The following MTMR6 variants were observed in gnomAD, a reference collection of about 807,000 sequenced individuals.
MTMR6 encodes the protein myotubularin related protein 6, also known as phosphatidylinositol-3,5-bisphosphate 3-phosphatase MTMR6.
In MTMR6, 47 loss-of-function variants were observed where a neutral mutation model predicts 80.1. That is an observed-to-expected ratio of 0.59 (90% CI 0.46 to 0.75). MTMR6 has a LOEUF of 0.75. Ranked by LOEUF, MTMR6 falls within the 30% of genes least tolerant of loss-of-function variation. The pLI is 0.00. For synonymous variants in MTMR6, 254 were observed against 253.0 expected (o/e 1.00, Z -0.04); for missense variants, 629 against 730.9 (o/e 0.86, Z 1.61).
chr13:25,277,337 T>C (rs183570794), intron 1 of MTMR6, among the ~76,000 whole-genome samples: 60 of 152,356 alleles, frequency 3.9e-4, no homozygotes, highest in Non-Finnish European at 7.1e-4. Flanking sequence ...CCTCTGTTCA[T>C]GTATCTGTCT....
chr13:25,282,447 C>T lies in MTMR6; in HGVS notation c.24+4777G>A, dbSNP rs563636243. Among the ~76,000 whole-genome samples, 38 of 152,232 alleles carry T rather than the reference C, an allele frequency of 2.5e-4. No individual in the cohort carries two copies. In the South Asian group the frequency reaches 7.3e-3, roughly 29 times the overall value. On this transcript the variant is annotated intron_variant, in intron 1 of 13. Coordinates refer to ENST00000381801, the MANE Select transcript of MTMR6 (RefSeq NM_004685.5). Reference sequence around the variant, plus strand: ...CAGGAGTTTTTGTCTGAACCTAGAACAGTGCCTGGCCCAAGGAGGAGGAAG... The same window carrying T: ...CAGGAGTTTTTGTCTGAACCTAGAATAGTGCCTGGCCCAAGGAGGAGGAAG...
Position 25,249,505 on chromosome 13 carries a change from C to T in MTMR6, c.1606-13G>A, listed in dbSNP as rs1335215624. 6.2e-7 allele frequency: 1 copy of T among 1,600,762 alleles called. No individual in the cohort carries two copies. Among genetic ancestry groups the T allele is most frequent in the Non-Finnish European group, 8.5e-7 (1 of 1,172,814 alleles). ...GTTGTTTAATTTTCTAGAACAAACA[C>T]AAATTTGAAAAAATTACTAATTGCA... On this transcript the variant is annotated splice_polypyrimidine_tract_variant and intron_variant, in intron 13 of 13. Coordinates refer to ENST00000381801, the MANE Select transcript of MTMR6 (RefSeq NM_004685.5).
chr13:25,262,241 G>T (rs1450526913), intron 5 of MTMR6, among the ~76,000 whole-genome samples: 12 of 152,044 alleles, frequency 7.9e-5, no homozygotes. Flanking sequence ...ATTAGAAATC[G>T]GCAATCTTAA....
chr13:25,287,292 A>G lies in MTMR6; in HGVS notation c.-45T>C, dbSNP rs1380712071. 6.4e-7 allele frequency: 1 copy of G among 1,573,270 alleles called. No homozygotes were observed. Among genetic ancestry groups the G allele is most frequent in the Non-Finnish European group, 8.6e-7 (1 of 1,162,948 alleles). The stretch of plus-strand genomic sequence containing the variant: ...GCAGCCGGTCTCACAGGCGTACCAT[A>G]CGGCTACAGAAACAGGGCGGTGACA... On this transcript the variant is annotated 5_prime_UTR_variant, in exon 1 of 14. Coordinates refer to ENST00000381801, the MANE Select transcript of MTMR6 (RefSeq NM_004685.5).
intron 11 of MTMR6, among the ~76,000 whole-genome samples, chr13:25,252,338 CT>C (rs1957108327): frequency 6.6e-6 from 1 of 152,206 alleles, no homozygotes; most frequent in South Asian, 2.1e-4. Context: ...ACTAATGCAT[CT>C]TTCTGTCTGG....
intron 1 of MTMR6, among the ~76,000 whole-genome samples, chr13:25,284,551 CTAAA>C (rs1957918918): frequency 6.6e-6 from 1 of 152,118 alleles, no homozygotes; most frequent in Admixed American, 6.5e-5. Context: ...ACAAAAATCA[CTAAA>C]TAGTCATAAA....
In MTMR6 at chr13:25,285,443, G is replaced by A. The variant is rs977662802; in HGVS notation, c.24+1781C>T. On this transcript the variant is annotated intron_variant, in intron 1 of 13. Coordinates refer to ENST00000381801, the MANE Select transcript of MTMR6 (RefSeq NM_004685.5). ...GCTGGAGGGCAATGGCGCAATCTTG[G>A]CTCACTGCAACCTCCACTTCGTGGG... Among the ~76,000 whole-genome samples the A allele has an allele frequency of 3.8e-5, 5 of 132,544 alleles. 1 individual carries two copies. Among genetic ancestry groups the A allele is most frequent in the Non-Finnish European group, 7.7e-5 (5 of 65,040 alleles). 87.0% of individuals were successfully genotyped at this position (132,544 alleles called of 152,430 possible). A position where few individuals can be genotyped will look rare whatever the true frequency, so the allele number is the denominator to read the frequency against.
intron 2 of MTMR6, among the ~76,000 whole-genome samples, chr13:25,272,006 A>C (rs533456435): frequency 3.9e-5 from 6 of 152,214 alleles, no homozygotes; most frequent in Non-Finnish European, 7.3e-5. Context: ...TAGAAAAGAA[A>C]ACTCAAAAGC....
rs747774717 is a variant in MTMR6 at position 25,257,776 on chromosome 13, T to C, written c.929A>G (p.His310Arg). 24 of 1,613,948 alleles carry C rather than the reference T, an allele frequency of 1.5e-5. No individual in the cohort carries two copies. Among genetic ancestry groups the C allele is most frequent in the South Asian group, 1.3e-4 (12 of 91,078 alleles). ...TGCAGCATCCATAACAGCTTTGATA[T>C]GGCGAAGCCATCCCGAGCTCTCCAA... ...SGLESSGWLR[H>R]IKAVMDAAIF... Residue 310 changes from histidine (H) to arginine (R), a missense_variant, in exon 8 of 14, where the codon CAT becomes CGT. Coordinates refer to ENST00000381801, the MANE Select transcript of MTMR6 (RefSeq NM_004685.5).
chr13:25,263,784 T>A (rs1957391789), intron 5 of MTMR6, among the ~76,000 whole-genome samples: 1 of 151,700 alleles, frequency 6.6e-6, no homozygotes, highest in African/African-American at 2.4e-5. Context: ...TACTTGGGAG[T>A]CTGAGGCAGG....
In MTMR6 at chr13:25,249,392, C is replaced by T. The variant is rs1329576224; in HGVS notation, c.1706G>A (p.Cys569Tyr). The T allele has an allele frequency of 6.2e-7, 1 of 1,613,962 alleles. No homozygotes were observed. Among genetic ancestry groups the T allele is most frequent in the Non-Finnish European group, 8.5e-7 (1 of 1,179,978 alleles). ...GGGTAGCAGAGTCTGCTCTTTAAAACACAGGGAAGTTTTGAGGTTAGGTGA... is the reference window on the plus strand; with the variant it reads ...GGGTAGCAGAGTCTGCTCTTTAAAATACAGGGAAGTTTTGAGGTTAGGTGA... ...PESPNLKTSL[C>Y]FKEQTLLPVN... Residue 569 changes from cysteine to tyrosine, a missense_variant, in exon 14 of 14, where the codon TGT (cysteine) becomes TAT (tyrosine). Cys to Tyr is a radical substitution (Grantham distance 194). Transcript: ENST00000381801.
intron 5 of MTMR6, among the ~76,000 whole-genome samples, chr13:25,264,400 A>C (rs1017653798): frequency 6.6e-6 from 1 of 152,180 alleles, no homozygotes; most frequent in Non-Finnish European, 1.5e-5. Flanking sequence ...GAAATAGAGA[A>C]GCAAATTCCC....
At chr13:25,261,881 C>A (rs1000430710) in intron 5 of MTMR6, 79 bp from the exon 6 acceptor site, 1 of 1,365,120 alleles carries the variant, frequency 7.3e-7, no homozygotes, top group Non-Finnish European at 9.8e-7. Context: ...AAAAAAAAGC[C>A]AAAAGTGTTA....
rs765631183 is a variant in MTMR6 at position 25,249,398 on chromosome 13, G to A, written c.1700C>T (p.Ser567Phe). The A allele has an allele frequency of 3.1e-6, 5 of 1,613,992 alleles. No homozygotes were observed. The highest frequency in any genetic ancestry group is 1.7e-5 in the Admixed American group (1 of 59,998). Residue 567 changes from serine to phenylalanine, a missense_variant, in exon 14 of 14, where the codon TCC becomes TTC. Coordinates refer to ENST00000381801, the MANE Select transcript of MTMR6 (RefSeq NM_004685.5). ...VHPESPNLKT[S>F]LCFKEQTLLP... ...CAGAGTCTGCTCTTTAAAACACAGG[G>A]AAGTTTTGAGGTTAGGTGATTCAGG... is the stretch of plus-strand genomic sequence containing the variant.
chr13:25,275,313 T>C (rs956655315), intron 1 of MTMR6, among the ~76,000 whole-genome samples: 2 of 151,914 alleles, frequency 1.3e-5, no homozygotes, highest in South Asian at 2.1e-4. Flanking sequence ...TCCCAGCTAC[T>C]TGGGAGGCTG....
At chr13:25,260,365 T>C (rs1259604552) in intron 6 of MTMR6, among the ~76,000 whole-genome samples, 1 of 149,916 alleles carries the variant, frequency 6.7e-6, no homozygotes, top group African/African-American at 2.5e-5. Flanking sequence ...ACAGAGTTTC[T>C]CCATGTTGGT....
At chr13:25,271,488 G>C (rs1287536913) in intron 2 of MTMR6, among the ~76,000 whole-genome samples, 1 of 152,202 alleles carries the variant, frequency 6.6e-6, no homozygotes, top group Non-Finnish European at 1.5e-5. Context: ...GTGTAACAAT[G>C]AATGAATTGC....
chr13:25,255,282 G>A (rs976520031), intron 9 of MTMR6, among the ~76,000 whole-genome samples: 2 of 152,334 alleles, frequency 1.3e-5, no homozygotes, highest in Admixed American at 1.3e-4. Flanking sequence ...TCACCACTTT[G>A]TGTGACCTTG....
chr13:25,270,927 G>A (rs1441882257), intron 2 of MTMR6, among the ~76,000 whole-genome samples: 1 of 152,148 alleles, frequency 6.6e-6, no homozygotes, highest in Admixed American at 6.5e-5. Context: ...AAAATAGTAT[G>A]AGCAGCTATG....
Sources: gnomAD v4.1 joint callset for allele counts (sites outside exome capture counted in the v4.1 genomes callset) on GRCh38, gnomAD v4.1.1 for gene constraint, MANE v1.5 for transcripts, NCBI Gene and HGNC (gene_info 2026-07-23, HGNC 2026-07-21) for gene names.